The following ZFR variants were observed in gnomAD, a reference collection of about 807,000 sequenced individuals.
ZFR encodes zinc finger RNA-binding protein.
A neutral mutation model predicts 130.7 loss-of-function variants in ZFR; 19 were observed. The observed-to-expected ratio is 0.15, with a 90% CI of 0.10 to 0.21. ZFR has a LOEUF of 0.21. Among genes scored for constraint, ZFR ranks in the 10% least tolerant of loss-of-function variants. The pLI is 1.00. For synonymous variants in ZFR, 466 were observed against 456.9 expected (o/e 1.02, Z -0.25); for missense variants, 872 against 1,321.5 (o/e 0.66, Z 5.27).
intron 4 of ZFR, among the ~76,000 whole-genome samples, chr5:32,416,427 C>G (rs915781971): frequency 4.6e-5 from 7 of 152,034 alleles, no homozygotes; most frequent in African/African-American, 7.2e-5. Flanking sequence ...CCAGCCCAAC[C>G]AACATGGAGA....
chr5:32,406,806 C>G lies in ZFR; in HGVS notation c.1000G>C (p.Asp334His), dbSNP rs1159406916. Residue 334 changes from aspartate (D) to histidine (H), a missense_variant, in exon 6 of 20, where the codon GAT becomes CAT. By Grantham distance (81) the Asp-to-His change is moderately conservative. Coordinates refer to ENST00000265069, the MANE Select transcript of ZFR (RefSeq NM_016107.5). ...PPKPPQIHYC[D>H]VCKISCAGPQ... is the part of the protein sequence containing the mutation. Reference sequence around the variant, plus strand: ...CCAGCACAGCTGATCTTACAAACATCACAATAGTGAATCTGTGGTGGTTTG... The same window carrying G: ...CCAGCACAGCTGATCTTACAAACATGACAATAGTGAATCTGTGGTGGTTTG... 6.2e-7 allele frequency: 1 copy of G among 1,613,790 alleles called. No individual in the cohort carries two copies. Among genetic ancestry groups the G allele is most frequent in the Non-Finnish European group, 8.5e-7 (1 of 1,179,932 alleles).
At chr5:32,379,231 C>A in intron 16 of ZFR, 21 bp from the exon 17 acceptor site, 1 of 1,591,494 alleles carries the variant, frequency 6.3e-7, no homozygotes, top group Non-Finnish European at 8.6e-7. Context: ...ACATAAAAAC[C>A]AATTGAATTA....
At chr5:32,401,606 G>A (rs749212261) in intron 8 of ZFR, among the ~76,000 whole-genome samples, 1 of 152,214 alleles carries the variant, frequency 6.6e-6, no homozygotes, top group Non-Finnish European at 1.5e-5. Context: ...GCATGGATGA[G>A]TTATGAGGCT....
intron 5 of ZFR, 95 bp from the exon 6 acceptor site, chr5:32,407,116 A>C: frequency 3.5e-6 from 4 of 1,134,542 alleles, no homozygotes; most frequent in Non-Finnish European, 4.8e-6. Flanking sequence ...CTGCCAATAA[A>C]GATAGATTTA....
At chr5:32,438,266 T>TTTC in intron 2 of ZFR, among the ~76,000 whole-genome samples, 1 of 139,140 alleles carries the variant, frequency 7.2e-6, no homozygotes, top group African/African-American at 2.7e-5. Context: ...TTTTTTTTTT[T>TTTC]TTTTTTTTTT....
intron 16 of ZFR, 49 bp downstream of exon 16, chr5:32,380,026 C>T (rs776975653): frequency 1.3e-6 from 2 of 1,490,850 alleles, no homozygotes; most frequent in Non-Finnish European, 1.9e-6. Context: ...TTGTACTGAA[C>T]TACTTCTCTC....
At chr5:32,398,396 T>C (rs1006090680) in intron 9 of ZFR, among the ~76,000 whole-genome samples, 11 of 152,202 alleles carry the variant, frequency 7.2e-5, no homozygotes, top group Non-Finnish European at 1.3e-4. Flanking sequence ...TGAACAGTTA[T>C]AGGAGGACAA....
chr5:32,421,285 A>C (rs1187041709), intron 2 of ZFR, among the ~76,000 whole-genome samples: 1 of 152,182 alleles, frequency 6.6e-6, no homozygotes, highest in Non-Finnish European at 1.5e-5. Context: ...TTTTAGTATG[A>C]GCCAACAACT....
Position 32,355,595 on chromosome 5 carries a change from A to G in ZFR, c.*165T>C. On this transcript the variant is annotated 3_prime_UTR_variant, in exon 20 of 20. Coordinates refer to ENST00000265069, the MANE Select transcript of ZFR (RefSeq NM_016107.5). ...TTTTTTTGGGTGTCTTTCCATTCAA[A>G]TAATACCTAACACTGTACATTTTTT... is the stretch of plus-strand genomic sequence containing the variant. 1 of 535,872 alleles carries G rather than the reference A, an allele frequency of 1.9e-6. No homozygotes were observed. Among genetic ancestry groups the G allele is most frequent in the Non-Finnish European group, 2.9e-6 (1 of 347,188 alleles). 33.2% of individuals were successfully genotyped at this position (535,872 alleles called of 1,614,324 possible).
At chr5:32,382,075 G>A (rs1752946182) in intron 15 of ZFR, among the ~76,000 whole-genome samples, 1 of 152,200 alleles carries the variant, frequency 6.6e-6, no homozygotes, top group Non-Finnish European at 1.5e-5. Context: ...GCTGAGGCAG[G>A]TGGATCATCT....
intron 17 of ZFR, among the ~76,000 whole-genome samples, chr5:32,366,034 A>G (rs934263204): frequency 6.6e-6 from 1 of 152,224 alleles, no homozygotes; most frequent in African/African-American, 2.4e-5. Flanking sequence ...TAAGATGCGA[A>G]AAGACTTGAG....
Position 32,387,609 on chromosome 5 carries a change from T to C in ZFR, c.2439A>G (p.Ser813=). 2 of 1,613,686 alleles carry C rather than the reference T, an allele frequency of 1.2e-6. No individual in the cohort carries two copies. The highest frequency in any genetic ancestry group is 1.3e-5 in the African/African-American group (1 of 75,042). The change falls in exon 14 of 20, where the codon TCA becomes TCG. Residue 813 remains serine, a synonymous_variant. Coordinates refer to ENST00000265069, the MANE Select transcript of ZFR (RefSeq NM_016107.5). The part of the protein sequence containing the change: ...DRNVNLVLLC[S]EKPSKTLLSR... ...TTAATAATGTCTTTGAAGGTTTCTC[T>C]GAGCACAGCAAAACAAGGTTGACAT...
intron 19 of ZFR, among the ~76,000 whole-genome samples, chr5:32,358,440 C>G (rs958205679): frequency 6.6e-6 from 1 of 152,142 alleles, no homozygotes; most frequent in Non-Finnish European, 1.5e-5. Flanking sequence ...ACTGGCGCAT[C>G]ACGAGGTCAG....
At chr5:32,392,434 CTATT>C (rs746235328) in intron 11 of ZFR, among the ~76,000 whole-genome samples, 11 of 152,062 alleles carry the variant, frequency 7.2e-5, no homozygotes, top group Admixed American at 2.0e-4. Context: ...ATAGTAAAAA[CTATT>C]TAAAGGTAAC....
At position 32,441,312 on chromosome 5, in the gene ZFR, ATC is replaced by A. The variant is rs1361663185; in HGVS notation, c.137+2915_137+2916del. Among the ~76,000 whole-genome samples the A allele has an allele frequency of 2.0e-4, 30 of 152,236 alleles. No homozygotes were observed. In the East Asian group the frequency reaches 5.4e-3, roughly 27 times the overall value. On this transcript the variant is annotated intron_variant, in intron 2 of 19. Coordinates refer to ENST00000265069, the MANE Select transcript of ZFR (RefSeq NM_016107.5). ...CATTTAGGTGTAGGATGTTTACTTTATCTGTATTCAATGATAGGTGAAGCAAT... is the reference window on the plus strand; with the variant it reads ...CATTTAGGTGTAGGATGTTTACTTTATGTATTCAATGATAGGTGAAGCAAT...
intron 11 of ZFR, among the ~76,000 whole-genome samples, chr5:32,392,520 C>G (rs1421420527): frequency 6.6e-6 from 1 of 152,122 alleles, no homozygotes; most frequent in African/African-American, 2.4e-5. Flanking sequence ...AAAAAACAAG[C>G]AATTTACCAC....
chr5:32,438,019 G>A (rs1754378588), intron 2 of ZFR, among the ~76,000 whole-genome samples: 1 of 151,948 alleles, frequency 6.6e-6, no homozygotes, highest in South Asian at 2.1e-4. Context: ...ATATATATAG[G>A]AGATAATAAT....
At chr5:32,424,220 A>G (rs571573339) in intron 2 of ZFR, among the ~76,000 whole-genome samples, 2 of 152,352 alleles carry the variant, frequency 1.3e-5, no homozygotes, top group South Asian at 2.1e-4. Flanking sequence ...GGGAGCCTAG[A>G]CAAATTTTAA....
intron 4 of ZFR, among the ~76,000 whole-genome samples, chr5:32,415,523 C>CGCGCACGT (rs1554073628): frequency 2.3e-5 from 3 of 132,036 alleles, no homozygotes; most frequent in South Asian, 2.5e-4. Context: ...TGTGCGCGCG[C>CGCGCACGT]GCGCGCGCGC....
Sources: gnomAD v4.1 joint callset for allele counts (sites outside exome capture counted in the v4.1 genomes callset) on GRCh38, gnomAD v4.1.1 for gene constraint, MANE v1.5 for transcripts, NCBI Gene and HGNC (gene_info 2026-07-23, HGNC 2026-07-21) for gene names.